ELF4: variants seen among roughly 807,000 people sequenced by gnomAD.
ELF4 encodes ETS-related transcription factor Elf-4.
Under a neutral mutation model 31.7 loss-of-function variants are expected in ELF4, and 10 were observed. The ratio of observed to expected loss-of-function variants is 0.32; its 90% confidence interval spans 0.19 to 0.54. ELF4 has a LOEUF of 0.54. Ranked by LOEUF, ELF4 falls within the 20% of genes least tolerant of loss-of-function variation. The pLI, the probability that ELF4 is intolerant of heterozygous loss-of-function variation, is 0.95. For missense variants in ELF4, 418 were observed against 522.0 expected (o/e 0.80, Z 1.94); for synonymous variants, 208 against 226.7 (o/e 0.92, Z 0.74).
At chrX:130,099,956 G>A (rs1270144800) in intron 1 of ELF4, among the ~76,000 whole-genome samples, 3 of 111,238 alleles carry the variant, frequency 2.7e-5, no homozygotes, top group African/African-American at 6.5e-5. Flanking sequence ...TTCTTTTAAG[G>A]ATACCATCTG....
intron 2 of ELF4, among the ~76,000 whole-genome samples, chrX:130,079,094 A>G (rs1932863665): frequency 9.0e-6 from 1 of 111,256 alleles, no homozygotes; most frequent in Admixed American, 9.6e-5. Flanking sequence ...GGCAGAAGGG[A>G]GGGAAGGTTT....
At chrX:130,083,834 G>C (rs370154344) in intron 1 of ELF4, among the ~76,000 whole-genome samples, 18 of 90,532 alleles carry the variant, frequency 2.0e-4, no homozygotes, top group African/African-American at 9.3e-4. Flanking sequence ...ATGGATGGCT[G>C]GATGGATGGA....
Position 130,072,305 on chromosome X carries a change from A to T in ELF4, c.453T>A (p.Ser151Arg). Residue 151 changes from serine to arginine, a missense_variant, in exon 5 of 9, where the codon AGT becomes AGA. This residue lies in a region of ELF4 where 88 missense variants were observed against 92.4 expected (regional missense o/e 0.95). Transcript: ENST00000308167. ...PDALNRAGDT[S>R]DQEGHSLEEK... The stretch of plus-strand genomic sequence containing the variant: ...CCTCCAGAGAATGCCCCTCCTGGTC[A>T]CTAGTGTCACCCGCCCTGTTCAGGG... The T allele has an allele frequency of 8.3e-7, 1 of 1,212,061 alleles. No individual in the cohort carries two copies. Among genetic ancestry groups the T allele is most frequent in the Non-Finnish European group, 1.1e-6 (1 of 895,506 alleles).
In ELF4 at chrX:130,067,026, C is replaced by T. The variant is rs1473865375; in HGVS notation, c.1687G>A (p.Glu563Lys). The change falls in exon 9 of 9, where the codon GAA becomes AAA. Residue 563 changes from glutamate (E) to lysine (K), a missense_variant. Coordinates refer to ENST00000308167, the MANE Select transcript of ELF4 (RefSeq NM_001421.4). The stretch of plus-strand genomic sequence containing the variant: ...CTCAGGAGCTCCCTCAGGGTCTCTT[C>T]AGGAACCAGCAGCCCCTCCATGGGG... ...GAPMEGLLVP[E>K]ETLRELLRDQ... is the part of the protein sequence containing the mutation. The T allele has an allele frequency of 7.4e-6, 9 of 1,212,202 alleles. No homozygotes were observed. The highest frequency in any genetic ancestry group is 8.9e-6 in the Non-Finnish European group (8 of 895,561).
intron 1 of ELF4, among the ~76,000 whole-genome samples, chrX:130,102,173 T>G (rs770517072): frequency 1.8e-5 from 2 of 112,632 alleles, no homozygotes; most frequent in South Asian, 7.2e-4. Context: ...CCAAACATAT[T>G]TGTTACAACA....
intron 1 of ELF4, among the ~76,000 whole-genome samples, chrX:130,095,350 G>A: frequency 8.9e-6 from 1 of 112,630 alleles, no homozygotes; most frequent in Non-Finnish European, 1.9e-5. Flanking sequence ...AACAGTAGAA[G>A]TGAGGCTCAG....
chrX:130,098,472 G>A (rs1933189658), intron 1 of ELF4, among the ~76,000 whole-genome samples: 1 of 111,706 alleles, frequency 9.0e-6, no homozygotes, highest in Admixed American at 9.5e-5. Context: ...AGCTAAAGGT[G>A]GGGCTGAATG....
chrX:130,080,899 T>G (rs977071833), intron 2 of ELF4, among the ~76,000 whole-genome samples: 2 of 112,590 alleles, frequency 1.8e-5, no homozygotes, highest in African/African-American at 6.4e-5. Context: ...AGAAGAGAAG[T>G]GGCCGAAAAA....
chrX:130,090,702 C>T (rs945492159), intron 1 of ELF4, among the ~76,000 whole-genome samples: 2 of 112,739 alleles, frequency 1.8e-5, no homozygotes, highest in African/African-American at 6.4e-5. Flanking sequence ...ATGTGCCAAA[C>T]CCAGCCCTGC....
chrX:130,107,503 G>C (rs1933398469), intron 1 of ELF4, among the ~76,000 whole-genome samples: 1 of 110,776 alleles, frequency 9.0e-6, no homozygotes, highest in Admixed American at 9.6e-5. Flanking sequence ...TTATATAGAT[G>C]ACATATCCCC....
At chrX:130,102,960 G>GAGGAAGGA (rs1167619118) in intron 1 of ELF4, among the ~76,000 whole-genome samples, 156 of 51,272 alleles carry the variant, frequency 3.0e-3, no homozygotes, top group African/African-American at 0.016. Flanking sequence ...GGAAGGGAGG[G>GAGGAAGGA]AGGAAGGAAG....
intron 5 of ELF4, 61 bp downstream of exon 5, chrX:130,072,165 G>GCCCCC: frequency 8.2e-6 from 9 of 1,097,877 alleles, no homozygotes; most frequent in Non-Finnish European, 1.1e-5. Flanking sequence ...AGCCCTGACC[G>GCCCCC]CCCCCCCACG....
At chrX:130,090,591 G>A (rs970547902) in intron 1 of ELF4, among the ~76,000 whole-genome samples, 8 of 110,505 alleles carry the variant, frequency 7.2e-5, no homozygotes, top group Admixed American at 1.9e-4. Flanking sequence ...TCTTTTCAAA[G>A]CCTTCCCTGC....
chrX:130,099,031 TTTTA>T (rs1933199829), intron 1 of ELF4, among the ~76,000 whole-genome samples: 1 of 112,621 alleles, frequency 8.9e-6, no homozygotes, highest in Non-Finnish European at 1.9e-5. Context: ...TTCCAAGAAA[TTTTA>T]ACTGTCCTTC....
chrX:130,074,506 C>A, intron 3 of ELF4, 75 bp downstream of exon 3: 2 of 1,184,643 alleles, frequency 1.7e-6, no homozygotes, highest in Non-Finnish European at 2.3e-6. Context: ...TACTAGAGGC[C>A]ATTGTGGGCT....
At chrX:130,076,473 C>G (rs1932835853) in intron 2 of ELF4, among the ~76,000 whole-genome samples, 1 of 112,116 alleles carries the variant, frequency 8.9e-6, no homozygotes, top group African/African-American at 3.2e-5. Context: ...GCTCTGTCAC[C>G]CAGGCTGGAG....
At chrX:130,106,897 T>TG (rs1774802254) in intron 1 of ELF4, among the ~76,000 whole-genome samples, 1 of 110,534 alleles carries the variant, frequency 9.0e-6, no homozygotes, top group African/African-American at 3.3e-5. Context: ...TAGGGATGTT[T>TG]GGGGGGTGTC....
intron 1 of ELF4, among the ~76,000 whole-genome samples, chrX:130,095,626 A>G (rs770692745): frequency 1.8e-5 from 2 of 111,658 alleles, no homozygotes; most frequent in South Asian, 7.5e-4. Context: ...CCATCTAGTA[A>G]GTCAATTCTA....
chrX:130,067,644 T>C (rs1932717483), intron 8 of ELF4, 119 bp from the exon 9 acceptor site: 2 of 791,270 alleles, frequency 2.5e-6, no homozygotes, highest in East Asian at 6.7e-5. Context: ...CTGTTTGTTG[T>C]TTTTTTCTTT....
Sources: gnomAD v4.1 joint callset for allele counts (sites outside exome capture counted in the v4.1 genomes callset) on GRCh38, gnomAD v4.1.1 for gene constraint, gnomAD v4.1.1 regional missense constraint, MANE v1.5 for transcripts, NCBI Gene and HGNC (gene_info 2026-07-23, HGNC 2026-07-21) for gene names.